ANKRD12: variants seen among roughly 807,000 people sequenced by gnomAD.
ANKRD12 encodes the protein ankyrin repeat domain-containing protein 12.
Under a neutral mutation model 183.4 loss-of-function variants are expected in ANKRD12, and 85 were observed. The ratio of observed to expected loss-of-function variants is 0.46; its 90% CI spans 0.39 to 0.56. The LOEUF is 0.56. Ranked by LOEUF, ANKRD12 falls within the 20% of genes least tolerant of loss-of-function variation. ANKRD12 has a pLI of 0.00. For missense variants in ANKRD12, 2,405 were observed against 2,357.1 expected, an observed-to-expected ratio of 1.02 and a Z score of -0.42; for synonymous variants, 914 against 800.2, an observed-to-expected ratio of 1.14 and a Z score of -2.40.
At position 9,254,702 on chromosome 18, in the gene ANKRD12, C is replaced by A; in HGVS notation, c.1435C>A (p.Gln479Lys). Residue 479 changes from glutamine to lysine, a missense_variant, in exon 9 of 13, where the codon CAG (glutamine) becomes AAG (lysine). Gln to Lys is a moderately conservative substitution (Grantham distance 53, BLOSUM62 1). Around this residue, in one of 7 missense-constraint regions of ANKRD12, gnomAD observed 1,983 missense variants for 1,725.9 expected, o/e 1.15. Coordinates refer to ENST00000262126, the MANE Select transcript of ANKRD12 (RefSeq NM_015208.5). ...CAAAGTTAAAAGAAAATTGAAAAAT[C>A]AGAATAAAAATAAAGAGAACCAAGA... ...KGKVKRKLKNQNKNKENQELK... is the reference protein window; with the variant it reads ...KGKVKRKLKNKNKNKENQELK... 2 of 1,509,262 alleles carry A rather than the reference C, an allele frequency of 1.3e-6. No individual in the cohort carries two copies. Among genetic ancestry groups the A allele is most frequent in the South Asian group, 1.4e-5 (1 of 73,584 alleles). The allele number at this position is 1,509,262 out of a possible 1,614,324, so 93.5% of individuals were successfully genotyped here. A position where few individuals can be genotyped will look rare whatever the true frequency, so the allele number is the denominator to read the frequency against.
intron 1 of ANKRD12, among the ~76,000 whole-genome samples, chr18:9,154,539 A>G (rs2030097901): frequency 6.6e-6 from 1 of 152,206 alleles, no homozygotes. Flanking sequence ...CCTGGGCAAC[A>G]TAGTGAAACT....
rs542608642 is a variant in ANKRD12, at chr18:9,159,202, TC to T, written c.-52+22239del. Among the ~76,000 whole-genome samples, 6 of 152,310 alleles carry T rather than the reference TC, an allele frequency of 3.9e-5. No homozygotes were observed. In the South Asian group the frequency reaches 1.2e-3, roughly 32 times the overall value. ...GGGCTGTTGCGGCTTGTGGATTCTC[TC>T]CAGCTGACATAGTAAGGAAATATAT... On this transcript the variant is annotated intron_variant, in intron 1 of 12. Coordinates refer to ENST00000262126, the MANE Select transcript of ANKRD12 (RefSeq NM_015208.5).
chr18:9,192,821 A>G (rs781035477), intron 2 of ANKRD12, among the ~76,000 whole-genome samples: 2 of 151,806 alleles, frequency 1.3e-5, no homozygotes, highest in Non-Finnish European at 2.9e-5. Context: ...AGCTGGGACT[A>G]CAGGTGTGTG....
chr18:9,234,849 A>G (rs1386508374), intron 8 of ANKRD12, among the ~76,000 whole-genome samples: 2 of 152,158 alleles, frequency 1.3e-5, no homozygotes, highest in Non-Finnish European at 2.9e-5. Flanking sequence ...GCTCTCTTGT[A>G]GTTCAGATTG....
At chr18:9,137,248 G>T (rs1461462214) in intron 1 of ANKRD12, among the ~76,000 whole-genome samples, 2 of 147,702 alleles carry the variant, frequency 1.4e-5, no homozygotes, top group African/African-American at 2.4e-5. Context: ...TCCCGGCGTC[G>T]CGAGGAGCCG....
intron 1 of ANKRD12, among the ~76,000 whole-genome samples, chr18:9,139,144 G>C (rs1022229009): frequency 1.4e-4 from 21 of 152,296 alleles, no homozygotes; most frequent in African/African-American, 5.1e-4. Flanking sequence ...GAATATTTGA[G>C]GAGGAGTGAA....
intron 9 of ANKRD12, chr18:9,259,412 A>G (rs1309855868): frequency 1.3e-5 from 2 of 152,970 alleles, no homozygotes; most frequent in African/African-American, 4.8e-5. Flanking sequence ...TAACATAGAC[A>G]CATTTATGTG....
chr18:9,187,726 T>C (rs1431423265), intron 2 of ANKRD12, among the ~76,000 whole-genome samples: 1 of 152,226 alleles, frequency 6.6e-6, no homozygotes, highest in Non-Finnish European at 1.5e-5. Flanking sequence ...CCACTACTCT[T>C]TTAGCTATAA....
At chr18:9,271,451 G>A (rs1450839552) in intron 10 of ANKRD12, among the ~76,000 whole-genome samples, 6 of 152,096 alleles carry the variant, frequency 3.9e-5, no homozygotes, top group South Asian at 2.1e-4. Context: ...CCCAGGAGGC[G>A]GAGGTTGCAG....
chr18:9,149,661 A>G (rs1036235771), intron 1 of ANKRD12, among the ~76,000 whole-genome samples: 4 of 152,088 alleles, frequency 2.6e-5, no homozygotes, highest in African/African-American at 9.7e-5. Flanking sequence ...GTTGTTTATT[A>G]TTTCAGGCAA....
intron 1 of ANKRD12, among the ~76,000 whole-genome samples, chr18:9,150,888 C>T (rs755699459): frequency 2.0e-5 from 3 of 151,972 alleles, no homozygotes; most frequent in East Asian, 1.9e-4. Flanking sequence ...CTCTTGACCT[C>T]GTGATCCACC....
chr18:9,186,137 A>G (rs370563193), intron 2 of ANKRD12, among the ~76,000 whole-genome samples: 1 of 126,770 alleles, frequency 7.9e-6, no homozygotes, highest in Non-Finnish European at 1.7e-5. Flanking sequence ...TAAAAGTGTG[A>G]TTTTTTTTTT....
At chr18:9,171,574 GT>G (rs1320465592) in intron 1 of ANKRD12, among the ~76,000 whole-genome samples, 1 of 152,238 alleles carries the variant, frequency 6.6e-6, no homozygotes, top group African/African-American at 2.4e-5. Context: ...GGAAAGGAAA[GT>G]TTTTCCTTTC....
intron 9 of ANKRD12, among the ~76,000 whole-genome samples, chr18:9,261,513 G>C (rs1465773974): frequency 6.6e-6 from 1 of 152,182 alleles, no homozygotes. Flanking sequence ...AATCTTCTGT[G>C]GAACATACTT....
intron 1 of ANKRD12, among the ~76,000 whole-genome samples, chr18:9,158,992 G>A (rs2031011166): frequency 6.6e-6 from 1 of 151,990 alleles, no homozygotes; most frequent in African/African-American, 2.4e-5. Context: ...CTTTCACTTT[G>A]CACCTGTATG....
chr18:9,182,281 A>C (rs2033749493), intron 1 of ANKRD12, 101 bp from the exon 2 acceptor site: 1 of 351,112 alleles, frequency 2.8e-6, no homozygotes, highest in African/African-American at 2.1e-5. Context: ...TGAGAAAATA[A>C]GGTATCTTAT....
intron 8 of ANKRD12, among the ~76,000 whole-genome samples, chr18:9,249,454 C>T (rs912138474): frequency 6.6e-6 from 1 of 152,122 alleles, no homozygotes; most frequent in Non-Finnish European, 1.5e-5. Flanking sequence ...GGTAAAAATA[C>T]ACACCTTTGA....
intron 8 of ANKRD12, among the ~76,000 whole-genome samples, chr18:9,227,941 C>G (rs1360919176): frequency 6.6e-6 from 1 of 152,148 alleles, no homozygotes; most frequent in Non-Finnish European, 1.5e-5. Flanking sequence ...TCCATTGCTT[C>G]CCCACTCTCC....
chr18:9,225,593 T>TTTGACATTA (rs2036658321), intron 8 of ANKRD12, among the ~76,000 whole-genome samples: 1 of 152,214 alleles, frequency 6.6e-6, no homozygotes, highest in Non-Finnish European at 1.5e-5. Flanking sequence ...TGTTCTCTTA[T>TTTGACATTA]TTTGACATCA....
Sources: allele counts gnomAD v4.1 joint callset (sites outside exome capture counted in the v4.1 genomes callset), GRCh38; gene constraint gnomAD v4.1.1; regional missense constraint gnomAD v4.1.1; transcripts MANE v1.5; gene names NCBI Gene and HGNC (gene_info 2026-07-23, HGNC 2026-07-21).